ARHGEF40: variants seen among roughly 807,000 people sequenced by gnomAD.
The protein encoded by ARHGEF40 is Rho guanine nucleotide exchange factor 40, also known as Rho guanine nucleotide exchange factor (GEF) 40.
A neutral mutation model predicts 165.9 loss-of-function variants in ARHGEF40; 98 were observed. The ratio of observed to expected loss-of-function variants is 0.59; its 90% CI spans 0.50 to 0.70. The LOEUF (loss-of-function observed/expected upper bound fraction) is 0.70. Ranked by LOEUF, ARHGEF40 falls within the 30% of genes least tolerant of loss-of-function variation. The pLI is 0.00. For synonymous variants in ARHGEF40, 792 were observed against 814.3 expected (o/e 0.97, Z 0.47); for missense variants, 1,815 against 1,968.0 (o/e 0.92, Z 1.47).
chr14:21,080,169 A>G (rs1887761158), intron 11 of ARHGEF40, among the ~76,000 whole-genome samples: 1 of 151,040 alleles, frequency 6.6e-6, no homozygotes, highest in Admixed American at 6.6e-5. Flanking sequence ...ATGAGAGTTC[A>G]TATAGCCTCA....
In ARHGEF40 at chr14:21,072,544, T is replaced by G. The variant is rs928160277; in HGVS notation, c.4-501T>G. Among the ~76,000 whole-genome samples the G allele has an allele frequency of 6.6e-6, 1 of 152,050 alleles. No homozygotes were observed. Among genetic ancestry groups the G allele is most frequent in the Non-Finnish European group, 1.5e-5 (1 of 67,982 alleles). On this transcript the variant is annotated intron_variant, in intron 1 of 23. Transcript: ENST00000298694. This position sits in a 1 kb window ranked among gnomAD's most constrained non-coding sequence, Gnocchi z 4.1. ...AAATGAGCATCTCTCTTTCACCAAA[T>G]GATCATCTCTGGGACATAATTGTGG...
upstream of ARHGEF40, among the ~76,000 whole-genome samples, chr14:21,067,135 T>G (rs1171873873): frequency 6.6e-6 from 1 of 152,168 alleles, no homozygotes; most frequent in Non-Finnish European, 1.5e-5. Context: ...TTGGTGCACA[T>G]AAACCAGGCA....
chr14:21,081,211 T>C, intron 13 of ARHGEF40, 195 bp downstream of exon 13: 1 of 925,358 alleles, frequency 1.1e-6, no homozygotes, highest in Non-Finnish European at 1.6e-6. Context: ...TCCATAGATC[T>C]ACCTCACAGG....
intron 11 of ARHGEF40, among the ~76,000 whole-genome samples, chr14:21,079,671 T>C (rs1182209846): frequency 6.6e-6 from 1 of 152,168 alleles, no homozygotes; most frequent in African/African-American, 2.4e-5. Flanking sequence ...TTCATGGACC[T>C]GTACGTGGGC....
At chr14:21,078,105 C>T in intron 8 of ARHGEF40, 72 bp from the exon 9 acceptor site, 3 of 1,399,462 alleles carry the variant, frequency 2.1e-6, no homozygotes, top group African/African-American at 1.4e-5. Context: ...GGGGCTACCG[C>T]ACCCCAACCC....
intron 19 of ARHGEF40, 64 bp from the exon 20 acceptor site, chr14:21,086,937 A>C: frequency 1.5e-6 from 2 of 1,300,670 alleles, no homozygotes; most frequent in Non-Finnish European, 2.1e-6. Context: ...AAAATCAACC[A>C]TGACATGCTA....
intron 8 of ARHGEF40, 31 bp from the exon 9 acceptor site, chr14:21,078,146 C>G (rs1241000056): frequency 6.3e-7 from 1 of 1,589,666 alleles, no homozygotes. Context: ...AAACTCTGAT[C>G]CTCAACTCCA....
chr14:21,077,145 C>T (rs1346966637), intron 8 of ARHGEF40, among the ~76,000 whole-genome samples: 1 of 152,120 alleles, frequency 6.6e-6, no homozygotes, highest in Admixed American at 6.5e-5. Context: ...CACTCTGTCA[C>T]CCAGGCTGGA....
At chr14:21,086,219 A>T in intron 19 of ARHGEF40, 1 of 259,926 alleles carries the variant, frequency 3.8e-6, no homozygotes, top group South Asian at 4.4e-5. Flanking sequence ...TCCACAAAAA[A>T]TTTTAAAATT....
the ARHGEF40 span, among the ~76,000 whole-genome samples, chr14:21,061,734 G>A: frequency 6.6e-6 from 1 of 152,154 alleles, no homozygotes. Flanking sequence ...AACACATAGC[G>A]TTAACATGTT....
rs1027820853 is a variant in ARHGEF40 at position 21,073,584 on chromosome 14, A to G, written c.201+342A>G. 1.3e-5 allele frequency among the ~76,000 whole-genome samples: 2 copies of G among 152,052 alleles called. No individual in the cohort carries two copies. The highest frequency in any genetic ancestry group is 4.8e-5 in the African/African-American group (2 of 41,376). Reference sequence around the variant, plus strand: ...TCTCAAGACACTAACTCCCCCGTACATTAGTCAACAGAGATCATTCATTTC... The same window carrying G: ...TCTCAAGACACTAACTCCCCCGTACGTTAGTCAACAGAGATCATTCATTTC... On this transcript the variant is annotated intron_variant, in intron 2 of 23. Transcript: ENST00000298694. This position sits in a 1 kb window ranked among gnomAD's most constrained non-coding sequence, Gnocchi z 4.6.
In ARHGEF40 at chr14:21,076,981, C is replaced by G. The variant is rs779156383; in HGVS notation, c.2034+91C>G. 8 of 1,098,284 alleles carry G rather than the reference C, an allele frequency of 7.3e-6. No homozygotes were observed. The South Asian group carries it at 1.1e-4, about 16-fold the overall frequency. The allele number at this position is 1,098,284 out of a possible 1,614,324, so 68.0% of individuals were successfully genotyped here. A position where few individuals can be genotyped will look rare whatever the true frequency, so the allele number is the denominator to read the frequency against. On this transcript the variant is annotated intron_variant, in intron 8 of 23. Transcript: ENST00000298694. The stretch of plus-strand genomic sequence containing the variant: ...GAGAGAGGCCATGTCCAGGACATAC[C>G]ATGAGGTTGCAAAAAAGTGGTTTCC...
At chr14:21,088,921 A>G (rs371804001) in intron 23 of ARHGEF40, 45 bp downstream of exon 23, 5 of 1,589,758 alleles carry the variant, frequency 3.1e-6, no homozygotes, top group Admixed American at 3.4e-5. Context: ...CACTCCTACC[A>G]TCTTGCATGT....
Position 21,074,773 on chromosome 14 carries a change from G to T in ARHGEF40, c.1043G>T (p.Cys348Phe). 6.2e-7 allele frequency: 1 copy of T among 1,609,678 alleles called. No homozygotes were observed. Residue 348 changes from cysteine to phenylalanine, a missense_variant, in exon 3 of 24, where the codon TGC becomes TTC. Cys to Phe is a radical substitution (Grantham distance 205, BLOSUM62 -2). Coordinates refer to ENST00000298694, the MANE Select transcript of ARHGEF40 (RefSeq NM_018071.5). This position sits in a 1 kb window ranked among gnomAD's most constrained non-coding sequence, Gnocchi z 4.8. ...GCTGTGGGAGAAGCCTCCGGATCTT[G>T]CCCCCTGAGGCCAGGGGAGCTTAGA... ...AEAVGEASGS[C>F]PLRPGELRGG...
chr14:21,061,481 A>ATGACACAGCACCCATAAAAT, the ARHGEF40 span, among the ~76,000 whole-genome samples: 2 of 152,122 alleles, frequency 1.3e-5, no homozygotes. Context: ...TCTGAGGGTA[A>ATGACACAGCACCCATAAAAT]TGACACAGCA....
Position 21,075,199 on chromosome 14 carries a change from A to G in ARHGEF40, c.1450+19A>G, listed in dbSNP as rs1289821142. The stretch of plus-strand genomic sequence containing the variant: ...ATGGCAGGTGAGATGACACGGAGTG[A>G]GGCTCATGGGGCAAGGGCCAAAGCA... On this transcript the variant is annotated intron_variant, in intron 3 of 23. Transcript: ENST00000298694. This position sits in a 1 kb window ranked among gnomAD's most constrained non-coding sequence, Gnocchi z 4.5. 3 of 1,584,302 alleles carry G rather than the reference A, an allele frequency of 1.9e-6. No homozygotes were observed. In the East Asian group the frequency reaches 6.7e-5, roughly 35 times the overall value.
chr14:21,061,379 T>C, the ARHGEF40 span, among the ~76,000 whole-genome samples: 109 of 152,288 alleles, frequency 7.2e-4, no homozygotes, highest in Non-Finnish European at 1.3e-3. Context: ...GGTAGCAACC[T>C]GGGTAGGAGT....
chr14:21,082,799 G>A (rs376088684), intron 15 of ARHGEF40, 32 bp from the exon 16 acceptor site: 57 of 1,602,574 alleles, frequency 3.6e-5, no homozygotes, highest in Middle Eastern at 1.8e-4. Context: ...CGGCCTCACC[G>A]GGGACTCCTT....
In ARHGEF40 at chr14:21,074,113, G is replaced by A. The variant is rs1333166551; in HGVS notation, c.383G>A (p.Gly128Asp). 6.2e-7 allele frequency: 1 copy of A among 1,614,138 alleles called. No individual in the cohort carries two copies. Among genetic ancestry groups the A allele is most frequent in the Admixed American group, 1.7e-5 (1 of 60,032 alleles). The change falls in exon 3 of 24, where the codon GGT becomes GAT. Residue 128 changes from glycine to aspartate, a missense_variant. By Grantham distance (94) the Gly-to-Asp change is moderately conservative. Coordinates refer to ENST00000298694, the MANE Select transcript of ARHGEF40 (RefSeq NM_018071.5). This position sits in a 1 kb window ranked among gnomAD's most constrained non-coding sequence, Gnocchi z 4.8. ...RLALKCLAPG[G>D]GRVQEVPVPN... ...GCACTCAAGTGTCTGGCCCCTGGGG[G>A]TGGGCGGGTGCAGGAGGTTCCTGTG...
Sources: gnomAD v4.1 joint callset for allele counts (sites outside exome capture counted in the v4.1 genomes callset) on GRCh38, gnomAD v4.1.1 for gene constraint, Gnocchi (gnomAD v3.1) non-coding constraint, MANE v1.5 for transcripts, NCBI Gene and HGNC (gene_info 2026-07-23, HGNC 2026-07-21) for gene names.